The following IL1RAPL2 variants were observed in gnomAD, a reference collection of about 807,000 sequenced individuals.
The protein encoded by IL1RAPL2 is interleukin 1 receptor accessory protein like 2, also known as X-linked interleukin-1 receptor accessory protein-like 2.
In IL1RAPL2, 3 loss-of-function variants were observed where a neutral mutation model predicts 44.1. That is an observed-to-expected ratio of 0.07 (90% CI 0.03 to 0.18). The LOEUF is 0.18. Among genes scored for constraint, IL1RAPL2 ranks in the 10% least tolerant of loss-of-function variants. IL1RAPL2 has a pLI of 1.00. For synonymous variants in IL1RAPL2, 181 were observed against 178.8 expected (o/e 1.01, Z -0.10); for missense variants, 391 against 496.4 (o/e 0.79, Z 2.02).
chrX:105,571,871 A>T (rs987120850), intron 6 of IL1RAPL2, among the ~76,000 whole-genome samples: 15 of 110,599 alleles, frequency 1.4e-4, no homozygotes, highest in Non-Finnish European at 1.9e-4. Flanking sequence ...AGAGGCCCAC[A>T]AGAACTAATC....
intron 2 of IL1RAPL2, among the ~76,000 whole-genome samples, chrX:104,667,587 G>A (rs1569292933): frequency 9.0e-6 from 1 of 111,455 alleles, no homozygotes; most frequent in Non-Finnish European, 1.9e-5. Context: ...GCTAGTAATT[G>A]GCAAAGCCAG....
At chrX:105,194,725 TATATAACAGCAAATAATC>T (rs1463345545) in intron 2 of IL1RAPL2, among the ~76,000 whole-genome samples, 6 of 112,019 alleles carry the variant, frequency 5.4e-5, no homozygotes, top group Non-Finnish European at 7.5e-5. Flanking sequence ...AACTGGCATG[TATATAACAGCAAATAATC>T]ACTTTAGGTG....
chrX:104,884,399 G>C, intron 2 of IL1RAPL2, among the ~76,000 whole-genome samples: 1 of 111,824 alleles, frequency 8.9e-6, no homozygotes, highest in East Asian at 2.8e-4. Flanking sequence ...CAACTATTCT[G>C]ATCAGCAGGG....
At chrX:105,309,041 A>T (rs112425169) in intron 5 of IL1RAPL2, among the ~76,000 whole-genome samples, 11,362 of 109,723 alleles carry the variant, frequency 0.1, 1,464 homozygotes, top group African/African-American at 0.36. Context: ...TTAATTAATT[A>T]ATTAATTTTT....
intron 2 of IL1RAPL2, among the ~76,000 whole-genome samples, chrX:104,874,677 T>A (rs761199922): frequency 1.1e-4 from 12 of 111,692 alleles, no homozygotes; most frequent in Non-Finnish European, 1.3e-4. Flanking sequence ...ACTGACCAGA[T>A]AATAACCAGA....
chrX:105,219,756 C>T, intron 3 of IL1RAPL2: 2 of 1,201,554 alleles, frequency 1.7e-6, no homozygotes, highest in Non-Finnish European at 2.2e-6. Flanking sequence ...GAGACACCAG[C>T]TCCTGGAGAG....
intron 2 of IL1RAPL2, among the ~76,000 whole-genome samples, chrX:104,671,240 G>A (rs182193069): frequency 9.0e-6 from 1 of 110,678 alleles, no homozygotes; most frequent in Non-Finnish European, 1.9e-5. Context: ...AGGCTTCTCA[G>A]TCCTATTTTT....
At chrX:105,384,838 T>G (rs938242437) in intron 5 of IL1RAPL2, among the ~76,000 whole-genome samples, 3 of 111,243 alleles carry the variant, frequency 2.7e-5, no homozygotes, top group Non-Finnish European at 5.7e-5. Context: ...TTGGTTAAAT[T>G]TATTCTTAGG....
intron 4 of IL1RAPL2, among the ~76,000 whole-genome samples, chrX:105,235,609 A>G (rs1302172907): frequency 8.9e-6 from 1 of 111,886 alleles, no homozygotes; most frequent in African/African-American, 3.2e-5. Context: ...CCAGGTCTCA[A>G]TGGGAATTAT....
chrX:104,586,727 A>T (rs1928570599), intron 1 of IL1RAPL2, among the ~76,000 whole-genome samples: 1 of 111,977 alleles, frequency 8.9e-6, no homozygotes, highest in Non-Finnish European at 1.9e-5. Context: ...TAATTTGACC[A>T]AAAGCATTGT....
intron 2 of IL1RAPL2, among the ~76,000 whole-genome samples, chrX:104,918,341 T>C (rs139805713): frequency 0.013 from 1,477 of 111,542 alleles, 6 homozygotes; most frequent in Non-Finnish European, 0.021. Context: ...ACTGAAAGAC[T>C]ATGTGTATAC....
At chrX:104,785,233 C>A (rs755660397) in intron 2 of IL1RAPL2, among the ~76,000 whole-genome samples, 18 of 111,194 alleles carry the variant, frequency 1.6e-4, no homozygotes, top group Non-Finnish European at 3.4e-4. Flanking sequence ...CCAGACTGGT[C>A]TCAAACTCCT....
rs1240636762 is a variant in IL1RAPL2, at chrX:105,168,416, TGTG to T, written c.83-27058_83-27056del. 2.5e-4 allele frequency among the ~76,000 whole-genome samples: 7 copies of T among 28,193 alleles called. No homozygotes were observed. In the Admixed American group the frequency reaches 3.6e-3, roughly 14 times the overall value. The allele number at this position is 28,193 out of a possible 115,157, so 24.5% of individuals were successfully genotyped here. ...TCCAGAGAAATAGAACCATAGGAGGTGTGTGTGTGTGTGTGTGTGTGTGTGTGT... is the reference window on the plus strand; with the variant it reads ...TCCAGAGAAATAGAACCATAGGAGGTTGTGTGTGTGTGTGTGTGTGTGTGT... On this transcript the variant is annotated intron_variant, in intron 2 of 10. Transcript: ENST00000372582.
chrX:105,487,234 G>T (rs183394461), intron 6 of IL1RAPL2, among the ~76,000 whole-genome samples: 115 of 111,057 alleles, frequency 1.0e-3, no homozygotes, highest in African/African-American at 3.6e-3. Flanking sequence ...GAAAAGTATT[G>T]ATCCAAAGCA....
chrX:105,750,441 T>TTTTTTA (rs776742945), intron 9 of IL1RAPL2, among the ~76,000 whole-genome samples: 2 of 91,567 alleles, frequency 2.2e-5, no homozygotes, highest in African/African-American at 8.9e-5. Flanking sequence ...GCCTGGCCAA[T>TTTTTTA]TTATTATTAT....
At chrX:104,717,082 T>A (rs1469940464) in intron 2 of IL1RAPL2, among the ~76,000 whole-genome samples, 1 of 112,239 alleles carries the variant, frequency 8.9e-6, no homozygotes, top group East Asian at 2.8e-4. Flanking sequence ...TGGAATACTA[T>A]GCAGCCATAA....
intron 6 of IL1RAPL2, among the ~76,000 whole-genome samples, chrX:105,688,202 G>C (rs1157183880): frequency 1.8e-5 from 2 of 111,733 alleles, no homozygotes; most frequent in African/African-American, 6.5e-5. Context: ...ATTCAACATA[G>C]TGTTGGAAGT....
chrX:104,925,439 C>A (rs1016921793), intron 2 of IL1RAPL2, among the ~76,000 whole-genome samples: 2 of 111,027 alleles, frequency 1.8e-5, no homozygotes, highest in Non-Finnish European at 3.8e-5. Context: ...AACATCAATG[C>A]AAAAATCCTT....
At chrX:105,258,774 C>G (rs1026380999) in intron 4 of IL1RAPL2, among the ~76,000 whole-genome samples, 28 of 112,064 alleles carry the variant, frequency 2.5e-4, no homozygotes, top group African/African-American at 9.1e-4. Flanking sequence ...ATTTAGCTCT[C>G]TCATACCTGT....
Sources: gnomAD v4.1 joint callset for allele counts (sites outside exome capture counted in the v4.1 genomes callset) on GRCh38, gnomAD v4.1.1 for gene constraint, MANE v1.5 for transcripts, NCBI Gene and HGNC (gene_info 2026-07-23, HGNC 2026-07-21) for gene names.